Variants in MGAT4C observed in about 807,000 individuals in gnomAD.
MGAT4C encodes the protein MGAT4 family member C, also known as alpha-1,3-mannosyl-glycoprotein 4-beta-N-acetylglucosaminyltransferase C.
Under a neutral mutation model 40.1 loss-of-function variants are expected in MGAT4C, and 19 were observed. The observed-to-expected ratio is 0.47, with a 90% CI of 0.33 to 0.70. The LOEUF (loss-of-function observed/expected upper bound fraction) is 0.70, where lower values mean the gene tolerates loss of function less well. Ranked by LOEUF, MGAT4C falls within the 30% of genes least tolerant of loss-of-function variation. MGAT4C has a pLI of 0.02. For synonymous variants in MGAT4C, 181 were observed against 187.1 expected (o/e 0.97, Z 0.27); for missense variants, 491 against 563.2 (o/e 0.87, Z 1.30).
At chr12:86,444,459 C>G (rs1415036818) in intron 2 of MGAT4C, among the ~76,000 whole-genome samples, 2 of 152,120 alleles carry the variant, frequency 1.3e-5, no homozygotes, top group Admixed American at 6.5e-5. Context: ...AAATTTAGGT[C>G]TGCAACCTGA....
rs1463049069 is a variant in MGAT4C at position 85,968,579 on chromosome 12, G to A, written c.*10710C>T. On this transcript the variant is annotated 3_prime_UTR_variant, in exon 5 of 5. Coordinates refer to ENST00000611864, the MANE Select transcript of MGAT4C (RefSeq NM_001351288.2). The stretch of plus-strand genomic sequence containing the variant: ...CAGGAAACAACACAGAATAATCTAC[G>A]CTTGTCATCATGTTTTCTAATCTAT... 1 of 151,876 alleles carries A rather than the reference G, an allele frequency of 6.6e-6. No homozygotes were observed. The highest frequency in any genetic ancestry group is 1.9e-4 in the East Asian group (1 of 5,196). 9.4% of individuals were successfully genotyped at this position (151,876 alleles called of 1,614,324 possible).
chr12:86,335,438 C>T (rs545885326), intron 3 of MGAT4C, among the ~76,000 whole-genome samples: 1 of 151,960 alleles, frequency 6.6e-6, no homozygotes, highest in Admixed American at 6.6e-5. Flanking sequence ...GAGTATAAGC[C>T]TAACTTAGAT....
intron 2 of MGAT4C, among the ~76,000 whole-genome samples, chr12:86,617,660 C>T (rs1962495209): frequency 6.6e-6 from 1 of 151,424 alleles, no homozygotes; most frequent in Admixed American, 6.6e-5. Flanking sequence ...TGCACTCCAG[C>T]CTGGAAGACA....
intron 2 of MGAT4C, among the ~76,000 whole-genome samples, chr12:86,721,199 T>G (rs1950730431): frequency 6.6e-6 from 1 of 152,134 alleles, no homozygotes; most frequent in African/African-American, 2.4e-5. Flanking sequence ...AAGAATGTGA[T>G]GCACCATGTG....
At chr12:86,788,447 T>C (rs756919790) in intron 1 of MGAT4C, among the ~76,000 whole-genome samples, 26 of 152,030 alleles carry the variant, frequency 1.7e-4, no homozygotes, top group Non-Finnish European at 3.2e-4. Context: ...CCAATTACAA[T>C]GACATCAACA....
At chr12:86,620,915 C>G (rs1160933332) in intron 2 of MGAT4C, among the ~76,000 whole-genome samples, 1 of 152,134 alleles carries the variant, frequency 6.6e-6, no homozygotes, top group Non-Finnish European at 1.5e-5. Flanking sequence ...CCTTCGGCTT[C>G]TACTGTGATT....
chr12:85,979,581 A>G lies in MGAT4C; in HGVS notation c.1145T>C (p.Val382Ala), dbSNP rs759432736. The G allele has an allele frequency of 1.9e-6, 3 of 1,607,970 alleles. No individual in the cohort carries two copies. Among genetic ancestry groups the G allele is most frequent in the Non-Finnish European group, 2.5e-6 (3 of 1,177,690 alleles). ...PPSTGDVFVI[V>A]FENPIIIKKI... Reference sequence around the variant, plus strand: ...TTTTATTATAATTGGATTTTCAAATACAATCACAAAAACATCTCCTGTTGA... The same window carrying G: ...TTTTATTATAATTGGATTTTCAAATGCAATCACAAAAACATCTCCTGTTGA... Residue 382 changes from valine to alanine, a missense_variant, in exon 5 of 5, where the codon GTA (valine) becomes GCA (alanine). Coordinates refer to ENST00000611864, the MANE Select transcript of MGAT4C (RefSeq NM_001351288.2).
At chr12:86,782,088 G>A (rs907699777) in intron 1 of MGAT4C, among the ~76,000 whole-genome samples, 8 of 151,010 alleles carry the variant, frequency 5.3e-5, no homozygotes, top group Non-Finnish European at 1.0e-4. Flanking sequence ...CGCTTCCCGG[G>A]TTCACACCAT....
intron 1 of MGAT4C, among the ~76,000 whole-genome samples, chr12:86,792,519 A>C (rs1281983446): frequency 6.6e-6 from 1 of 152,138 alleles, no homozygotes; most frequent in Non-Finnish European, 1.5e-5. Flanking sequence ...ATATTACCCC[A>C]AAAATATCAA....
intron 2 of MGAT4C, among the ~76,000 whole-genome samples, chr12:86,542,247 A>G (rs1053815245): frequency 4.6e-5 from 7 of 152,350 alleles, no homozygotes; most frequent in African/African-American, 7.2e-5. Context: ...TAGAATGTAG[A>G]AGAAATTGGA....
chr12:86,410,377 G>T (rs901260108), intron 3 of MGAT4C, among the ~76,000 whole-genome samples: 2 of 152,020 alleles, frequency 1.3e-5, no homozygotes, highest in African/African-American at 2.4e-5. Context: ...CTTCCGCAGG[G>T]TATTAATTAT....
chr12:86,492,445 G>A (rs561510595), intron 2 of MGAT4C, among the ~76,000 whole-genome samples: 1 of 152,216 alleles, frequency 6.6e-6, no homozygotes, highest in South Asian at 2.1e-4. Flanking sequence ...TACCAAAACA[G>A]AGATACAGAT....
chr12:86,367,786 C>T (rs1007136114), intron 3 of MGAT4C, among the ~76,000 whole-genome samples: 17 of 151,986 alleles, frequency 1.1e-4, no homozygotes, highest in African/African-American at 3.6e-4. Flanking sequence ...GGCGACAGAG[C>T]GAGACTCCGT....
At chr12:86,658,317 A>C (rs1166796219) in intron 2 of MGAT4C, among the ~76,000 whole-genome samples, 1 of 152,082 alleles carries the variant, frequency 6.6e-6, no homozygotes, top group Non-Finnish European at 1.5e-5. Flanking sequence ...GATCTGACAA[A>C]GTGTTTAGCA....
At chr12:86,346,611 C>T (rs528187767) in intron 3 of MGAT4C, among the ~76,000 whole-genome samples, 2 of 152,250 alleles carry the variant, frequency 1.3e-5, no homozygotes, top group Admixed American at 1.3e-4. Flanking sequence ...TAAAAATATG[C>T]CACTTAAAAT....
At chr12:86,537,813 G>A (rs1959100461) in intron 2 of MGAT4C, among the ~76,000 whole-genome samples, 2 of 152,026 alleles carry the variant, frequency 1.3e-5, no homozygotes, top group Non-Finnish European at 2.9e-5. Context: ...TGGGCCAGGT[G>A]TGGTGGCTCA....
chr12:86,605,022 G>A (rs1961996055), intron 2 of MGAT4C, among the ~76,000 whole-genome samples: 2 of 152,028 alleles, frequency 1.3e-5, no homozygotes, highest in Admixed American at 6.6e-5. Flanking sequence ...TATTAAGTGG[G>A]ATACAGAGAA....
At chr12:86,328,322 C>A (rs1447873068) in intron 4 of MGAT4C, among the ~76,000 whole-genome samples, 1 of 151,968 alleles carries the variant, frequency 6.6e-6, no homozygotes, top group Non-Finnish European at 1.5e-5. Flanking sequence ...TAATAGAAGT[C>A]CCAGCCAGTG....
At chr12:86,594,281 A>G (rs1961445068) in intron 2 of MGAT4C, among the ~76,000 whole-genome samples, 1 of 152,170 alleles carries the variant, frequency 6.6e-6, no homozygotes, top group Admixed American at 6.5e-5. Flanking sequence ...TAGTGTCTGT[A>G]TCAGTCTGGA....
Sources: gnomAD v4.1 joint callset for allele counts (sites outside exome capture counted in the v4.1 genomes callset) on GRCh38, gnomAD v4.1.1 for gene constraint, MANE v1.5 for transcripts, NCBI Gene and HGNC (gene_info 2026-07-23, HGNC 2026-07-21) for gene names.